EHBP1: variants seen among roughly 807,000 people sequenced by gnomAD.
EHBP1 encodes the protein EH domain-binding protein 1.
A neutral mutation model predicts 144.0 loss-of-function variants in EHBP1; 55 were observed. The observed-to-expected ratio is 0.38, with a 90% CI of 0.31 to 0.48. EHBP1 has a LOEUF of 0.48. Among genes scored for constraint, EHBP1 ranks in the 20% least tolerant of loss-of-function variants. The pLI, the probability that EHBP1 is intolerant of heterozygous loss-of-function variation, is 0.98. For synonymous variants in EHBP1, 469 were observed against 472.7 expected (o/e 0.99, Z 0.10); for missense variants, 1,200 against 1,364.2 (o/e 0.88, Z 1.90).
chr2:62,882,230 T>C (rs1223269222), intron 10 of EHBP1, among the ~76,000 whole-genome samples: 1 of 152,210 alleles, frequency 6.6e-6, no homozygotes, highest in Non-Finnish European at 1.5e-5. Context: ...CATAAGTCAA[T>C]CTCCAAGTGT....
rs1029180612 is a variant in EHBP1 at position 62,764,163 on chromosome 2, G to A, written c.163-103G>A. ...TATACCATTGTAAATTACTAACATT[G>A]CATTTCCTGTACTTCATATTGAAGG... is the stretch of plus-strand genomic sequence containing the variant. On this transcript the variant is annotated intron_variant, in intron 3 of 22. Transcript: ENST00000431489. 3.0e-5 allele frequency: 24 copies of A among 792,686 alleles called. No individual in the cohort carries two copies. The Admixed American group carries it at 8.0e-4, about 26-fold the overall frequency. 49.1% of individuals were successfully genotyped at this position (792,686 alleles called of 1,614,324 possible).
chr2:62,679,917 G>C (rs961818029), intron 1 of EHBP1, among the ~76,000 whole-genome samples: 4 of 152,158 alleles, frequency 2.6e-5, no homozygotes, highest in Non-Finnish European at 5.9e-5. Flanking sequence ...TAAGGTGAAA[G>C]GGCAAGACAT....
chr2:62,982,448 C>G (rs969354519), intron 15 of EHBP1, among the ~76,000 whole-genome samples: 7 of 152,154 alleles, frequency 4.6e-5, no homozygotes, highest in Non-Finnish European at 8.8e-5. Flanking sequence ...ATAGCAAATT[C>G]AAAATTCACT....
At chr2:62,704,001 T>C (rs1397503099), upstream of EHBP1, among the ~76,000 whole-genome samples, 1 of 152,212 alleles carries the variant, frequency 6.6e-6, no homozygotes, top group Non-Finnish European at 1.5e-5. Flanking sequence ...GAAAATAATT[T>C]ATGACCATTT....
At chr2:62,755,660 A>G (rs1299641546) in intron 3 of EHBP1, among the ~76,000 whole-genome samples, 1 of 152,168 alleles carries the variant, frequency 6.6e-6, no homozygotes, top group African/African-American at 2.4e-5. Context: ...ATAGTTTGAG[A>G]GCATTATAAT....
At chr2:62,764,136 A>G (rs1324718812) in intron 3 of EHBP1, 130 bp from the exon 4 acceptor site, 2 of 659,942 alleles carry the variant, frequency 3.0e-6, no homozygotes, top group Non-Finnish European at 4.9e-6. Flanking sequence ...ACATAGGGTC[A>G]ATATACCATT....
At chr2:62,687,509 G>A (rs1049248671) in intron 1 of EHBP1, among the ~76,000 whole-genome samples, 6 of 152,186 alleles carry the variant, frequency 3.9e-5, no homozygotes, top group African/African-American at 1.2e-4. Context: ...TTTCCCATCT[G>A]TGTAGAAGTA....
intron 15 of EHBP1, among the ~76,000 whole-genome samples, chr2:62,985,973 T>C (rs887550137): frequency 3.3e-5 from 5 of 152,200 alleles, no homozygotes; most frequent in African/African-American, 1.2e-4. Context: ...ATATTGTGTA[T>C]ACAGTACACA....
chr2:62,897,178 T>A (rs1374171151), intron 10 of EHBP1, among the ~76,000 whole-genome samples: 1 of 152,182 alleles, frequency 6.6e-6, no homozygotes, highest in African/African-American at 2.4e-5. Flanking sequence ...ATTCGTATTA[T>A]TCCCTTTCTT....
chr2:62,881,848 G>T (rs2051446864), intron 10 of EHBP1: 1 of 152,120 alleles, frequency 6.6e-6, no homozygotes, highest in African/African-American at 2.4e-5. Context: ...CTAGTCATGG[G>T]TGTGCTTTTA....
intron 10 of EHBP1, among the ~76,000 whole-genome samples, chr2:62,881,137 G>C (rs2051377330): frequency 6.6e-6 from 1 of 151,972 alleles, no homozygotes; most frequent in African/African-American, 2.4e-5. Context: ...AGTTAACTCA[G>C]GAACGGAAAA....
At position 62,874,407 on chromosome 2, in the gene EHBP1, C is replaced by T. The variant is rs1400945328; in HGVS notation, c.1060C>T (p.Gln354Ter). ...PPPNNLVNPV[Q>*]ELETERRVKR... Reference sequence around the variant, plus strand: ...TCCAAATAATTTGGTAAATCCTGTTCAAGAACTAGAAACTGAAAGGCGAGT... The same window carrying T: ...TCCAAATAATTTGGTAAATCCTGTTTAAGAACTAGAAACTGAAAGGCGAGT... The change falls in exon 10 of 23, where the codon CAA becomes TAA. Residue 354 changes from glutamine (Q) to a stop codon, truncating the protein, a stop_gained. Transcript: ENST00000431489. LOFTEE classifies it high-confidence loss of function. The T allele has an allele frequency of 1.9e-6, 3 of 1,613,364 alleles. No individual in the cohort carries two copies. Among genetic ancestry groups the T allele is most frequent in the Non-Finnish European group, 2.5e-6 (3 of 1,179,578 alleles).
At chr2:63,033,617 T>G (rs1229808348) in intron 19 of EHBP1, among the ~76,000 whole-genome samples, 1 of 152,176 alleles carries the variant, frequency 6.6e-6, no homozygotes, top group African/African-American at 2.4e-5. Flanking sequence ...GAAAAGCTAA[T>G]GAGAAGACAG....
At chr2:62,843,227 G>T (rs907169097) in intron 7 of EHBP1, among the ~76,000 whole-genome samples, 3 of 152,096 alleles carry the variant, frequency 2.0e-5, no homozygotes, top group African/African-American at 4.8e-5. Flanking sequence ...AACATATTAG[G>T]AATTGAATAT....
chr2:62,902,850 GT>G (rs935775302), intron 10 of EHBP1, among the ~76,000 whole-genome samples: 1 of 152,142 alleles, frequency 6.6e-6, no homozygotes, highest in African/African-American at 2.4e-5. Context: ...TGTAAAAATA[GT>G]TGGTTTATTT....
chr2:62,754,047 C>T (rs1260622076), intron 3 of EHBP1, among the ~76,000 whole-genome samples: 1 of 152,192 alleles, frequency 6.6e-6, no homozygotes, highest in Non-Finnish European at 1.5e-5. Context: ...GAGCTCCGTT[C>T]CTTTGGAGGG....
chr2:62,708,119 G>A (rs749195047), intron 2 of EHBP1, among the ~76,000 whole-genome samples: 18 of 152,102 alleles, frequency 1.2e-4, no homozygotes, highest in Non-Finnish European at 2.2e-4. Flanking sequence ...TCTTTGTCCA[G>A]AAGGACTGTA....
chr2:63,023,595 C>T (rs1249694715), intron 19 of EHBP1, among the ~76,000 whole-genome samples: 1 of 152,164 alleles, frequency 6.6e-6, no homozygotes, highest in East Asian at 1.9e-4. Flanking sequence ...TTTACCCACC[C>T]CAAAGCCAAC....
At chr2:62,731,833 G>A (rs1317822455) in intron 2 of EHBP1, among the ~76,000 whole-genome samples, 2 of 152,078 alleles carry the variant, frequency 1.3e-5, no homozygotes, top group Non-Finnish European at 2.9e-5. Flanking sequence ...ATGTTGATCT[G>A]ACTTTCTGAC....
Sources: allele counts gnomAD v4.1 joint callset (sites outside exome capture counted in the v4.1 genomes callset), GRCh38; gene constraint gnomAD v4.1.1; transcripts MANE v1.5; gene names NCBI Gene and HGNC (gene_info 2026-07-23, HGNC 2026-07-21).